IGF2BP3: variants seen among roughly 807,000 people sequenced by gnomAD.
The protein encoded by IGF2BP3 is insulin like growth factor 2 mRNA binding protein 3.
In IGF2BP3, 9 loss-of-function variants were observed where a neutral mutation model predicts 73.8. The observed-to-expected ratio is 0.12, with a 90% CI of 0.07 to 0.21. The LOEUF (loss-of-function observed/expected upper bound fraction) is 0.21, where lower values mean the gene tolerates loss of function less well. Among genes scored for constraint, IGF2BP3 ranks in the 10% least tolerant of loss-of-function variants. The probability of loss-of-function intolerance (pLI) is 1.00; values close to 1 mark genes in which losing one functional copy is unlikely to be tolerated. For synonymous variants in IGF2BP3, 258 were observed against 256.7 expected, an observed-to-expected ratio of 1.01 and a Z score of -0.05; for missense variants, 542 against 714.0, an observed-to-expected ratio of 0.76 and a Z score of 2.75.
At chr7:23,371,227 A>C (rs1785533378) in intron 3 of IGF2BP3, among the ~76,000 whole-genome samples, 1 of 152,100 alleles carries the variant, frequency 6.6e-6, no homozygotes, top group African/African-American at 2.4e-5. Context: ...GGGTTTCTAG[A>C]AAGGAGTCAC....
At chr7:23,374,999 C>T (rs980349457) in intron 3 of IGF2BP3, among the ~76,000 whole-genome samples, 6 of 152,124 alleles carry the variant, frequency 3.9e-5, no homozygotes, top group Non-Finnish European at 8.8e-5. Flanking sequence ...ATGTGAATTT[C>T]TCAATTTTTA....
At chr7:23,448,609 C>T (rs1788120271) in intron 2 of IGF2BP3, among the ~76,000 whole-genome samples, 1 of 147,432 alleles carries the variant, frequency 6.8e-6, no homozygotes, top group South Asian at 2.3e-4. Context: ...CACTATGTTG[C>T]CCAGGCTGTT....
At chr7:23,314,181 CTTA>C (rs889141124) in intron 12 of IGF2BP3, among the ~76,000 whole-genome samples, 1 of 148,986 alleles carries the variant, frequency 6.7e-6, no homozygotes, top group Non-Finnish European at 1.5e-5. Flanking sequence ...CCACACCTGA[CTTA>C]TTTTTTTTTT....
chr7:23,366,941 T>C (rs1785390504), intron 3 of IGF2BP3, among the ~76,000 whole-genome samples: 1 of 151,498 alleles, frequency 6.6e-6, no homozygotes, highest in African/African-American at 2.4e-5. Flanking sequence ...CCCACTGAAC[T>C]CTCAAAGAAT....
intron 3 of IGF2BP3, among the ~76,000 whole-genome samples, chr7:23,406,059 T>G (rs1471093247): frequency 6.8e-6 from 1 of 146,864 alleles, no homozygotes; most frequent in East Asian, 1.9e-4. Flanking sequence ...TGATCAAAAT[T>G]TTCTGATTAA....
chr7:23,364,661 T>G (rs1785324165), intron 3 of IGF2BP3, among the ~76,000 whole-genome samples: 1 of 151,952 alleles, frequency 6.6e-6, no homozygotes, highest in Non-Finnish European at 1.5e-5. Context: ...ACGAAAAATG[T>G]TTTACTTCAT....
At chr7:23,433,974 A>C (rs1408142204) in intron 2 of IGF2BP3, among the ~76,000 whole-genome samples, 1 of 151,686 alleles carries the variant, frequency 6.6e-6, no homozygotes, top group Admixed American at 6.6e-5. Context: ...GCTACTTGGG[A>C]GGCTGGGGCA....
intron 3 of IGF2BP3, chr7:23,394,721 C>T (rs1786394235): frequency 6.6e-6 from 1 of 152,146 alleles, no homozygotes; most frequent in African/African-American, 2.4e-5. Context: ...AGCAAAGGTC[C>T]TGTTTTCAAA....
At chr7:23,443,849 A>T (rs1194439661) in intron 2 of IGF2BP3, among the ~76,000 whole-genome samples, 2 of 152,016 alleles carry the variant, frequency 1.3e-5, no homozygotes. Flanking sequence ...CTCTACTAAA[A>T]ATACAGAAAA....
intron 2 of IGF2BP3, among the ~76,000 whole-genome samples, chr7:23,444,626 C>T (rs560427925): frequency 6.1e-4 from 92 of 149,728 alleles, no homozygotes; most frequent in Middle Eastern, 3.5e-3. Context: ...GCTGGTAATC[C>T]CAGCTACTTG....
At chr7:23,468,347 A>G in intron 2 of IGF2BP3, 135 bp downstream of exon 2, 1 of 874,878 alleles carries the variant, frequency 1.1e-6, no homozygotes, top group South Asian at 1.5e-5. Context: ...TAAACTTAAA[A>G]GCAAGGATTA....
intron 2 of IGF2BP3, among the ~76,000 whole-genome samples, chr7:23,432,657 GGA>G (rs146296929): frequency 0.099 from 14,739 of 148,238 alleles, 809 homozygotes; most frequent in Non-Finnish European, 0.13. Context: ...TTTTTTTGGT[GGA>G]GAGAGGGTCT....
chr7:23,444,813 T>A (rs796592029), intron 2 of IGF2BP3, among the ~76,000 whole-genome samples: 5 of 151,160 alleles, frequency 3.3e-5, no homozygotes, highest in African/African-American at 1.2e-4. Context: ...CTCATGCCAG[T>A]AATCCCAGCA....
At chr7:23,451,159 T>A (rs558749222) in intron 2 of IGF2BP3, among the ~76,000 whole-genome samples, 2 of 152,316 alleles carry the variant, frequency 1.3e-5, no homozygotes, top group African/African-American at 4.8e-5. Context: ...GGCTCATACC[T>A]CTAATCCCAG....
At chr7:23,385,557 A>T (rs188314160) in intron 3 of IGF2BP3, among the ~76,000 whole-genome samples, 18 of 152,260 alleles carry the variant, frequency 1.2e-4, no homozygotes, top group African/African-American at 4.3e-4. Context: ...TCAAGGATGA[A>T]GTCAGCCAAC....
chr7:23,447,639 C>CA (rs1788097151), intron 2 of IGF2BP3, among the ~76,000 whole-genome samples: 1 of 151,444 alleles, frequency 6.6e-6, no homozygotes, highest in Admixed American at 6.6e-5. Context: ...AAAACAACAA[C>CA]AACAAAAAAA....
intron 3 of IGF2BP3, among the ~76,000 whole-genome samples, chr7:23,396,041 GTT>G (rs10718892): frequency 0.26 from 37,178 of 143,384 alleles, 4,711 homozygotes; most frequent in Middle Eastern, 0.31. Flanking sequence ...AATCCAGTGA[GTT>G]TTTTTTTTTT....
At chr7:23,327,412 C>T (rs1411867792) in intron 10 of IGF2BP3, among the ~76,000 whole-genome samples, 2 of 151,702 alleles carry the variant, frequency 1.3e-5, no homozygotes, top group Admixed American at 6.6e-5. Context: ...TCCCGAGTAG[C>T]TGGGACTACA....
At chr7:23,392,108 T>C (rs1038327463) in intron 3 of IGF2BP3, among the ~76,000 whole-genome samples, 3 of 152,274 alleles carry the variant, frequency 2.0e-5, no homozygotes, top group South Asian at 2.1e-4. Flanking sequence ...ACAGAAAGTA[T>C]TTAAGGTAAG....
Sources: allele counts gnomAD v4.1 joint callset (sites outside exome capture counted in the v4.1 genomes callset), GRCh38; gene constraint gnomAD v4.1.1; transcripts MANE v1.5; gene names NCBI Gene and HGNC (gene_info 2026-07-23, HGNC 2026-07-21).